GON4L: variants seen among roughly 807,000 people sequenced by gnomAD.
The protein encoded by GON4L is GON-4-like protein.
In GON4L, 87 loss-of-function variants were observed where a neutral mutation model predicts 211.8. That is an observed-to-expected ratio of 0.41 (90% confidence interval 0.35 to 0.49). GON4L has a LOEUF of 0.49. Ranked by LOEUF, GON4L falls within the 20% of genes least tolerant of loss-of-function variation. The pLI is 0.15. For missense variants in GON4L, 2,155 were observed against 2,659.5 expected, an observed-to-expected ratio of 0.81 and a Z score of 4.17; for synonymous variants, 875 against 962.6, an observed-to-expected ratio of 0.91 and a Z score of 1.68.
chr1:155,770,023 TA>T (rs59380170), intron 19 of GON4L, among the ~76,000 whole-genome samples: 123 of 43,694 alleles, frequency 2.8e-3, no homozygotes, highest in African/African-American at 9.4e-3. Context: ...CTCCATTTCT[TA>T]AAAAAAAAAA....
At chr1:155,826,338 G>A (rs1450041476) in intron 3 of GON4L, among the ~76,000 whole-genome samples, 1 of 152,098 alleles carries the variant, frequency 6.6e-6, no homozygotes, top group South Asian at 2.1e-4. Flanking sequence ...GCCAAGGTGG[G>A]TGGATCATCT....
At chr1:155,810,009 T>TATATATATATATA (rs1557886306) in intron 10 of GON4L, among the ~76,000 whole-genome samples, 1 of 134,202 alleles carries the variant, frequency 7.5e-6, no homozygotes, top group African/African-American at 2.9e-5. Flanking sequence ...TATATATATA[T>TATATATATATATA]TTTTGAAATG....
At chr1:155,764,191 T>C (rs1662165452) in intron 21 of GON4L, among the ~76,000 whole-genome samples, 2 of 151,742 alleles carry the variant, frequency 1.3e-5, no homozygotes, top group Admixed American at 6.6e-5. Context: ...CAATCGTGGC[T>C]CACCGCAACC....
rs1313006421 is a variant in GON4L at position 155,752,009 on chromosome 1, T to G, written c.6424A>C (p.Asn2142His). The G allele has an allele frequency of 4.3e-6, 7 of 1,613,230 alleles. No individual in the cohort carries two copies. The highest frequency in any genetic ancestry group is 5.9e-6 in the Non-Finnish European group (7 of 1,179,382). ...PKAAEATVCA[N>H]NSKVSSTGEK... ...CCAGTGGAGCTGACCTTGCTGTTGT[T>G]GGCACACACCGTAGCTTCTGCGGCC... The change falls in exon 30 of 32, where the codon AAC (asparagine) becomes CAC (histidine). Residue 2142 changes from asparagine (N) to histidine (H), a missense_variant. This residue lies in a region of GON4L where 186 missense variants were observed against 308.1 expected (regional missense o/e 0.60). Coordinates refer to ENST00000368331, the MANE Select transcript of GON4L (RefSeq NM_001282860.2).
Position 155,754,370 on chromosome 1 carries a change from C to A in GON4L, c.5631+5G>T. On this transcript the variant is annotated splice_donor_5th_base_variant and intron_variant, in intron 28 of 31. Transcript: ENST00000368331. ...TACCCTCGGGACCCTTGATACTTTC[C>A]TCACCTTGCTGCTACAGTGGCTACA... 6.4e-7 allele frequency: 1 copy of A among 1,569,900 alleles called. No homozygotes were observed. The highest frequency in any genetic ancestry group is 8.8e-7 in the Non-Finnish European group (1 of 1,139,742).
At position 155,751,687 on chromosome 1, in the gene GON4L, ACTC is replaced by A; in HGVS notation, c.6576+77_6576+79del. 4 of 905,774 alleles carry A rather than the reference ACTC, an allele frequency of 4.4e-6. No homozygotes were observed. The South Asian group carries it at 5.7e-5, about 13-fold the overall frequency. The allele number at this position is 905,774 out of a possible 1,614,324, so 56.1% of individuals were successfully genotyped here. ...ACCACTTATTATCTTGGATATCAAA[ACTC>A]CTTCTTTGGCCTTTCTGTCTGTTAG... On this transcript the variant is annotated intron_variant, in intron 31 of 31. Coordinates refer to ENST00000368331, the MANE Select transcript of GON4L (RefSeq NM_001282860.2).
downstream of GON4L, among the ~76,000 whole-genome samples, chr1:155,745,256 CTATT>C (rs1660214615): frequency 6.6e-6 from 1 of 152,190 alleles, no homozygotes; most frequent in African/African-American, 2.4e-5. Context: ...CGCCAATACT[CTATT>C]TACATAAAGT....
At chr1:155,777,929 AATC>A in intron 14 of GON4L, 109 bp from the exon 15 acceptor site, 1 of 743,426 alleles carries the variant, frequency 1.3e-6, no homozygotes, top group Non-Finnish European at 2.4e-6. Flanking sequence ...ATTCCCTACT[AATC>A]CCCCATCTCA....
At chr1:155,780,518 G>A (rs983560098) in intron 14 of GON4L, among the ~76,000 whole-genome samples, 5 of 151,958 alleles carry the variant, frequency 3.3e-5, no homozygotes, top group African/African-American at 4.8e-5. Flanking sequence ...ACTTGAACCC[G>A]GGAGGCAGAG....
intron 2 of GON4L, among the ~76,000 whole-genome samples, chr1:155,829,819 G>A (rs1254393287): frequency 6.6e-6 from 1 of 151,998 alleles, no homozygotes; most frequent in Non-Finnish European, 1.5e-5. Context: ...AGGGCTCTAG[G>A]AAGGGGAAAT....
intron 12 of GON4L, among the ~76,000 whole-genome samples, chr1:155,787,409 A>G (rs1665069385): frequency 6.6e-6 from 1 of 152,224 alleles, no homozygotes; most frequent in South Asian, 2.1e-4. Context: ...GAACTAGAGC[A>G]GAGTCTAACA....
downstream of GON4L, chr1:155,747,042 G>A: frequency 3.1e-6 from 5 of 1,605,726 alleles, no homozygotes; most frequent in Non-Finnish European, 4.2e-6. Flanking sequence ...AGGCTATGCG[G>A]TGTGGCCAGC....
At chr1:155,811,754 C>CAAAAAAAAAAAAAAAAAA (rs145360103) in intron 10 of GON4L, among the ~76,000 whole-genome samples, 2 of 33,052 alleles carry the variant, frequency 6.1e-5, no homozygotes, top group African/African-American at 2.9e-4. Context: ...GACTCTGTCT[C>CAAAAAAAAAAAAAAAAAA]AAAAAAAAAA....
intron 2 of GON4L, among the ~76,000 whole-genome samples, chr1:155,851,052 C>CAAAAAA (rs55815558): frequency 1.3e-5 from 1 of 78,486 alleles, no homozygotes; most frequent in Non-Finnish European, 2.2e-5. Flanking sequence ...GACTCCACCT[C>CAAAAAA]AAAAAAAAAA....
rs564362121 is a variant in GON4L at position 155,810,381 on chromosome 1, C to A, written c.1452+3253G>T. Among the ~76,000 whole-genome samples the A allele has an allele frequency of 1.4e-4, 21 of 152,016 alleles. No homozygotes were observed. The South Asian group carries it at 4.4e-3, about 32-fold the overall frequency. On this transcript the variant is annotated intron_variant, in intron 10 of 31. Transcript: ENST00000368331. ...AGGACAGACATTTTTCATTGACCTG[C>A]AAGAATGATAGGGGAAACTTGGAAC...
rs1057006206 is a variant in GON4L at position 155,765,256 on chromosome 1, A to C, written c.4217T>G (p.Val1406Gly). The part of the protein sequence containing the change: ...PPDEGTSGTD[V>G]NKGSSKNALS... ...AGCATTCTTTGATGATCCTTTGTTCACATCTGTCCCTGAGGTTCCTTCATC... is the reference window on the plus strand; with the variant it reads ...AGCATTCTTTGATGATCCTTTGTTCCCATCTGTCCCTGAGGTTCCTTCATC... The change falls in exon 21 of 32, where the codon GTG becomes GGG. Residue 1406 changes from valine to glycine, a missense_variant. This residue lies in a region of GON4L where 615 missense variants were observed against 625.7 expected (regional missense o/e 0.98). Coordinates refer to ENST00000368331, the MANE Select transcript of GON4L (RefSeq NM_001282860.2). The C allele has an allele frequency of 2.5e-6, 4 of 1,614,172 alleles. No individual in the cohort carries two copies. The highest frequency in any genetic ancestry group is 3.4e-6 in the Non-Finnish European group (4 of 1,180,006).
intron 14 of GON4L, among the ~76,000 whole-genome samples, chr1:155,780,597 A>C (rs1664324132): frequency 6.6e-6 from 1 of 152,064 alleles, no homozygotes; most frequent in African/African-American, 2.4e-5. Flanking sequence ...CATTTCAAAA[A>C]AATAAAATAA....
intron 4 of GON4L, 124 bp downstream of exon 4, chr1:155,822,162 T>C (rs1668792996): frequency 6.2e-6 from 5 of 811,060 alleles, no homozygotes; most frequent in Admixed American, 5.4e-5. Flanking sequence ...TAAAATGTTC[T>C]GTCACGGGTA....
intron 18 of GON4L, among the ~76,000 whole-genome samples, 177 bp from the exon 19 acceptor site, chr1:155,771,394 T>G (rs574098295): frequency 3.9e-5 from 6 of 152,302 alleles, no homozygotes; most frequent in Non-Finnish European, 5.9e-5. Flanking sequence ...CTCTACTTCC[T>G]AGGCTGAAGC....
Sources: gnomAD v4.1 joint callset for allele counts (sites outside exome capture counted in the v4.1 genomes callset) on GRCh38, gnomAD v4.1.1 for gene constraint, gnomAD v4.1.1 regional missense constraint, MANE v1.5 for transcripts, NCBI Gene and HGNC (gene_info 2026-07-23, HGNC 2026-07-21) for gene names.